IGSF21: variants seen among roughly 807,000 people sequenced by gnomAD.
IGSF21 encodes immunoglobulin superfamily member 21.
Under a neutral mutation model 46.8 loss-of-function variants are expected in IGSF21, and 28 were observed. The ratio of observed to expected loss-of-function variants is 0.60; its 90% CI spans 0.44 to 0.82. IGSF21 has a LOEUF of 0.82. Ranked by LOEUF, IGSF21 falls within the 40% of genes least tolerant of loss-of-function variation. The pLI is 0.00. For missense variants in IGSF21, 624 were observed against 665.5 expected (o/e 0.94, Z 0.69); for synonymous variants, 284 against 273.6 (o/e 1.04, Z -0.38).
intron 2 of IGSF21, among the ~76,000 whole-genome samples, chr1:18,270,786 A>T (rs559182525): frequency 6.6e-6 from 1 of 152,332 alleles, no homozygotes; most frequent in East Asian, 1.9e-4. Flanking sequence ...ATTCAAAAAA[A>T]AAAAGGAAAC....
chr1:18,209,756 G>A (rs898484185), intron 1 of IGSF21, among the ~76,000 whole-genome samples: 14 of 151,888 alleles, frequency 9.2e-5, no homozygotes, highest in African/African-American at 2.4e-4. Context: ...CACCGCACCC[G>A]GCCAGGCCTG....
At chr1:18,242,780 C>T (rs1034568922) in intron 2 of IGSF21, among the ~76,000 whole-genome samples, 4 of 152,194 alleles carry the variant, frequency 2.6e-5, no homozygotes, top group Non-Finnish European at 5.9e-5. Flanking sequence ...CCAGTTTATT[C>T]GTTCATCCCT....
chr1:18,180,207 G>A lies in IGSF21; in HGVS notation c.71-47691G>A, dbSNP rs192630963. ...TAATAGAATATACGCTGCATGTGGC[G>A]AGGTGTAGATGTTTACCAGGTTGTA... On this transcript the variant is annotated intron_variant, in intron 1 of 9. Coordinates refer to ENST00000251296, the MANE Select transcript of IGSF21 (RefSeq NM_032880.5). Among the ~76,000 whole-genome samples, 26 of 152,332 alleles carry A rather than the reference G, an allele frequency of 1.7e-4. No homozygotes were observed. The Middle Eastern group carries it at 0.01, about 60-fold the overall frequency.
At chr1:18,152,370 CTA>C (rs934886027) in intron 1 of IGSF21, among the ~76,000 whole-genome samples, 3 of 152,200 alleles carry the variant, frequency 2.0e-5, no homozygotes, top group African/African-American at 7.2e-5. Flanking sequence ...TCCCAGGATT[CTA>C]TGTTAGCTAC....
chr1:18,122,264 A>G (rs1180400807), intron 1 of IGSF21, among the ~76,000 whole-genome samples: 1 of 130,782 alleles, frequency 7.6e-6, no homozygotes, highest in African/African-American at 2.9e-5. Flanking sequence ...CAGTGGTGCA[A>G]TCTCGGCTCA....
chr1:18,132,806 C>T (rs1157301620), intron 1 of IGSF21, among the ~76,000 whole-genome samples: 1 of 151,970 alleles, frequency 6.6e-6, no homozygotes, highest in African/African-American at 2.4e-5. Context: ...TAAAAGGTGT[C>T]CTGCCATCCC....
At chr1:18,197,212 A>G (rs1261725998) in intron 1 of IGSF21, among the ~76,000 whole-genome samples, 1 of 152,182 alleles carries the variant, frequency 6.6e-6, no homozygotes, top group African/African-American at 2.4e-5. Context: ...TCACAAGGTC[A>G]TGGGCGGGCA....
At chr1:18,296,067 G>C (rs998245935) in intron 3 of IGSF21, among the ~76,000 whole-genome samples, 15 of 152,138 alleles carry the variant, frequency 9.9e-5, no homozygotes, top group South Asian at 2.1e-4. Flanking sequence ...GGATAAGAAG[G>C]GGGGACATTG....
At chr1:18,370,234 G>C (rs11260992) in intron 6 of IGSF21, among the ~76,000 whole-genome samples, 1 of 151,942 alleles carries the variant, frequency 6.6e-6, no homozygotes, top group Non-Finnish European at 1.5e-5. Context: ...CATGACACCC[G>C]CCCAAAACCT....
chr1:18,250,631 G>A (rs2084832584), intron 2 of IGSF21, among the ~76,000 whole-genome samples: 2 of 152,198 alleles, frequency 1.3e-5, no homozygotes, highest in Non-Finnish European at 2.9e-5. Flanking sequence ...TTAAAGCCAG[G>A]TTGAAATCTC....
At chr1:18,342,065 T>TTTGTTTG (rs547423721) in intron 4 of IGSF21, among the ~76,000 whole-genome samples, 3 of 124,462 alleles carry the variant, frequency 2.4e-5, no homozygotes, top group Non-Finnish European at 5.8e-5. Context: ...TTTTTTTTTT[T>TTTGTTTG]TTTGTTTGTT....
chr1:18,239,758 C>A (rs573810619), intron 2 of IGSF21, among the ~76,000 whole-genome samples: 51 of 152,264 alleles, frequency 3.3e-4, no homozygotes, highest in African/African-American at 8.7e-4. Context: ...TGTTGCCCCC[C>A]CTCCCCGCCA....
rs1415742852 is a variant in IGSF21, at chr1:18,290,595, T to G, written c.184-1271T>G. Among the ~76,000 whole-genome samples the G allele has an allele frequency of 3.3e-5, 5 of 152,216 alleles. No individual in the cohort carries two copies. Among genetic ancestry groups the G allele is most frequent in the African/African-American group, 1.2e-4 (5 of 41,460 alleles). ...GGTTGCTCAACCAGTGCTGGCCAGATGCACGGAGTCTCTCCTAAACCAGTA... is the reference window on the plus strand; with the variant it reads ...GGTTGCTCAACCAGTGCTGGCCAGAGGCACGGAGTCTCTCCTAAACCAGTA... On this transcript the variant is annotated intron_variant, in intron 2 of 9. Transcript: ENST00000251296. This position sits in a 1 kb window ranked among gnomAD's most constrained non-coding sequence, Gnocchi z 4.2.
intron 1 of IGSF21, among the ~76,000 whole-genome samples, chr1:18,197,467 C>A (rs2087020856): frequency 6.6e-6 from 1 of 152,192 alleles, no homozygotes; most frequent in African/African-American, 2.4e-5. Flanking sequence ...TAATTATCAT[C>A]CCACAAATGC....
intron 1 of IGSF21, among the ~76,000 whole-genome samples, chr1:18,216,495 G>C (rs527459634): frequency 6.6e-6 from 1 of 152,280 alleles, no homozygotes; most frequent in South Asian, 2.1e-4. Flanking sequence ...GTACCTTAGA[G>C]GGACAAGTTT....
chr1:18,248,856 T>G (rs2084808844), intron 2 of IGSF21, among the ~76,000 whole-genome samples: 2 of 152,058 alleles, frequency 1.3e-5, no homozygotes, highest in Non-Finnish European at 2.9e-5. Flanking sequence ...GCAGAGCAGG[T>G]AGGCCTGACC....
intron 6 of IGSF21, among the ~76,000 whole-genome samples, chr1:18,368,945 C>A (rs190398947): frequency 6.6e-6 from 1 of 152,180 alleles, no homozygotes; most frequent in Admixed American, 6.5e-5. Context: ...ATCAACAGCA[C>A]CCCAAACCAC....
chr1:18,321,686 G>T lies in IGSF21; in HGVS notation c.306-13206G>T, dbSNP rs565671144. Among the ~76,000 whole-genome samples, 4 of 152,264 alleles carry T rather than the reference G, an allele frequency of 2.6e-5. No individual in the cohort carries two copies. In the South Asian group the frequency reaches 8.3e-4, roughly 32 times the overall value. On this transcript the variant is annotated intron_variant, in intron 3 of 9. Transcript: ENST00000251296. ...GGCAGCTCTCTGGGGCCTCTTTTGT[G>T]GGGGTGCTCATCCCACCGTAATCGC...
chr1:18,255,851 G>T (rs182045795), intron 2 of IGSF21, among the ~76,000 whole-genome samples: 78 of 152,280 alleles, frequency 5.1e-4, no homozygotes, highest in Non-Finnish European at 9.7e-4. Flanking sequence ...CTGAATGTCT[G>T]TTACCTCCCA....
Sources: allele counts gnomAD v4.1 joint callset (sites outside exome capture counted in the v4.1 genomes callset), GRCh38; gene constraint gnomAD v4.1.1; non-coding constraint Gnocchi (gnomAD v3.1); transcripts MANE v1.5; gene names NCBI Gene and HGNC (gene_info 2026-07-23, HGNC 2026-07-21).